Variants in HMGB1 observed in about 807,000 individuals in gnomAD.
HMGB1 encodes high mobility group protein B1.
For synonymous variants in HMGB1, 81 were observed against 84.0 expected, an observed-to-expected ratio of 0.96 and a Z score of 0.19; for missense variants, 79 against 253.5, an observed-to-expected ratio of 0.31 and a Z score of 4.67.
At chr13:30,493,803 T>A (rs891483390) in intron 1 of HMGB1, among the ~76,000 whole-genome samples, 1 of 151,838 alleles carries the variant, frequency 6.6e-6, no homozygotes, top group East Asian at 1.9e-4. Context: ...ATCTCTTACA[T>A]AGAACAAAAC....
chr13:30,603,855 GAAT>G (rs1270808314), intron 1 of HMGB1, among the ~76,000 whole-genome samples: 1 of 152,098 alleles, frequency 6.6e-6, no homozygotes, highest in Non-Finnish European at 1.5e-5. Context: ...ATTGTTTAGG[GAAT>G]AATGACAAGG....
At chr13:30,519,860 A>T (rs1049124668) in intron 1 of HMGB1, among the ~76,000 whole-genome samples, 2 of 152,188 alleles carry the variant, frequency 1.3e-5, no homozygotes, top group African/African-American at 4.8e-5. Context: ...AGAAAGGAAA[A>T]ATGTTCCTTT....
intron 1 of HMGB1, among the ~76,000 whole-genome samples, chr13:30,472,674 G>A (rs1396415643): frequency 6.6e-6 from 1 of 152,030 alleles, no homozygotes; most frequent in Non-Finnish European, 1.5e-5. Flanking sequence ...GTTTTTCATT[G>A]GTTGAAAATA....
chr13:30,472,218 G>A (rs1212072555), intron 1 of HMGB1, among the ~76,000 whole-genome samples: 1 of 152,132 alleles, frequency 6.6e-6, no homozygotes, highest in Non-Finnish European at 1.5e-5. Context: ...GGCGGAAGTT[G>A]CAGTGAATGG....
rs368361550 is a variant in HMGB1, at chr13:30,458,695, G to GT, written c.*2661dup. Reference sequence around the variant, plus strand: ...AGCAATGGTTACAATTCCTTAGGTAGTAAGGGAAATACCTGTTGAATGGCA... The same window carrying GT: ...AGCAATGGTTACAATTCCTTAGGTAGTTAAGGGAAATACCTGTTGAATGGCA... On this transcript the variant is annotated 3_prime_UTR_variant, in exon 5 of 5. Transcript: ENST00000341423. 3.3e-5 allele frequency: 5 copies of GT among 152,302 alleles called. No individual in the cohort carries two copies. Among genetic ancestry groups the GT allele is most frequent in the African/African-American group, 1.2e-4 (5 of 41,556 alleles). 9.4% of individuals were successfully genotyped at this position (152,302 alleles called of 1,614,324 possible). A position where few individuals can be genotyped will look rare whatever the true frequency, so the allele number is the denominator to read the frequency against.
chr13:30,475,826 ATGG>A (rs1465072574), intron 1 of HMGB1, among the ~76,000 whole-genome samples: 1 of 152,148 alleles, frequency 6.6e-6, no homozygotes, highest in Non-Finnish European at 1.5e-5. Context: ...CATGGGGAGG[ATGG>A]TTGGAATGAA....
intron 1 of HMGB1, among the ~76,000 whole-genome samples, chr13:30,537,579 T>G (rs1318693968): frequency 1.3e-5 from 2 of 149,548 alleles, no homozygotes; most frequent in African/African-American, 4.9e-5. Context: ...GCTCCTGGTC[T>G]CTTTCATTCA....
chr13:30,558,306 A>T (rs1869778675), intron 1 of HMGB1, among the ~76,000 whole-genome samples: 1 of 152,220 alleles, frequency 6.6e-6, no homozygotes, highest in Non-Finnish European at 1.5e-5. Context: ...TTCTAGATAC[A>T]CTGTTCTCTG....
intron 1 of HMGB1, among the ~76,000 whole-genome samples, chr13:30,473,144 T>C (rs1040029237): frequency 6.6e-6 from 1 of 152,158 alleles, no homozygotes; most frequent in African/African-American, 2.4e-5. Context: ...TATGTGTTCA[T>C]GTATGGAGAA....
intron 1 of HMGB1, among the ~76,000 whole-genome samples, chr13:30,514,131 T>C (rs969613845): frequency 6.6e-6 from 1 of 152,058 alleles, no homozygotes; most frequent in African/African-American, 2.4e-5. Context: ...TGGACTGTTA[T>C]GGAAGTCATC....
chr13:30,493,888 G>A (rs1271685928), intron 1 of HMGB1, among the ~76,000 whole-genome samples: 2 of 151,984 alleles, frequency 1.3e-5, no homozygotes, highest in African/African-American at 2.4e-5. Flanking sequence ...TGAGGTGGGG[G>A]AGGGTTGCTG....
intron 1 of HMGB1, among the ~76,000 whole-genome samples, chr13:30,523,908 T>A (rs539837388): frequency 3.9e-5 from 6 of 151,960 alleles, no homozygotes; most frequent in African/African-American, 9.6e-5. Context: ...TCCCCCACTG[T>A]TTTTTTTGTA....
At chr13:30,588,423 A>G (rs1871242757) in intron 1 of HMGB1, among the ~76,000 whole-genome samples, 1 of 152,208 alleles carries the variant, frequency 6.6e-6, no homozygotes, top group African/African-American at 2.4e-5. Flanking sequence ...TCGGGGATAC[A>G]ATATATGTAA....
intron 1 of HMGB1, among the ~76,000 whole-genome samples, chr13:30,532,711 G>T (rs1187881764): frequency 6.6e-6 from 1 of 152,106 alleles, no homozygotes; most frequent in African/African-American, 2.4e-5. Context: ...GTTTCGCCAT[G>T]TTAGCTAGGC....
chr13:30,502,088 TA>T (rs1887746892), intron 1 of HMGB1, among the ~76,000 whole-genome samples: 1 of 152,232 alleles, frequency 6.6e-6, no homozygotes, highest in East Asian at 1.9e-4. Flanking sequence ...CTCAAATTGC[TA>T]AAAAGCATTG....
At chr13:30,531,352 A>G (rs1047537629) in intron 1 of HMGB1, among the ~76,000 whole-genome samples, 2 of 152,204 alleles carry the variant, frequency 1.3e-5, no homozygotes, top group Non-Finnish European at 2.9e-5. Context: ...GAATCTATCA[A>G]GAATAAAAAA....
At chr13:30,511,821 C>A (rs939573308) in intron 1 of HMGB1, among the ~76,000 whole-genome samples, 12 of 152,172 alleles carry the variant, frequency 7.9e-5, no homozygotes, top group Admixed American at 5.9e-4. Context: ...CCCACTGCCC[C>A]AAACACACAC....
In HMGB1 at chr13:30,461,069, C is replaced by T. The variant is rs1886294964; in HGVS notation, c.*288G>A. On this transcript the variant is annotated 3_prime_UTR_variant, in exon 5 of 5. Coordinates refer to ENST00000341423, the MANE Select transcript of HMGB1 (RefSeq NM_002128.7). The stretch of plus-strand genomic sequence containing the variant: ...AAAAAACTACCATCCCCATATATAA[C>T]TAATTTGTGCTGTGCACCAACAAGA... 1.0e-6 allele frequency: 1 copy of T among 971,598 alleles called. No individual in the cohort carries two copies. The highest frequency in any genetic ancestry group is 5.2e-5 in the Admixed American group (1 of 19,342). The allele number at this position is 971,598 out of a possible 1,614,324, so 60.2% of individuals were successfully genotyped here. A position where few individuals can be genotyped will look rare whatever the true frequency, so the allele number is the denominator to read the frequency against.
chr13:30,549,803 G>C (rs975257631), intron 1 of HMGB1, among the ~76,000 whole-genome samples: 1 of 151,358 alleles, frequency 6.6e-6, no homozygotes, highest in African/African-American at 2.4e-5. Context: ...TGCAACCTCC[G>C]CCTCTCGGGT....
Sources: gnomAD v4.1 joint callset for allele counts (sites outside exome capture counted in the v4.1 genomes callset) on GRCh38, gnomAD v4.1.1 for gene constraint, MANE v1.5 for transcripts, NCBI Gene and HGNC (gene_info 2026-07-23, HGNC 2026-07-21) for gene names.